The following CHD7 variants were observed in gnomAD, a reference collection of about 807,000 sequenced individuals.
CHD7 encodes chromodomain helicase DNA binding protein 7.
In CHD7, 24 loss-of-function variants were observed where a neutral mutation model predicts 307.3. The observed-to-expected ratio is 0.08, with a 90% CI of 0.06 to 0.11. The LOEUF is 0.11. CHD7 is among the 10% of genes least tolerant of loss of function. The pLI is 1.00. For missense variants in CHD7, 3,106 were observed against 3,727.1 expected (o/e 0.83, Z 4.34); for synonymous variants, 1,363 against 1,349.9 (o/e 1.01, Z -0.21).
intron 1 of CHD7, among the ~76,000 whole-genome samples, chr8:60,714,546 G>GCTCAGCC (rs1404918563): frequency 1.3e-5 from 2 of 152,122 alleles, no homozygotes; most frequent in Non-Finnish European, 2.9e-5. Context: ...CTGGCACCTG[G>GCTCAGCC]CTCAGCCCTC....
Position 60,854,539 on chromosome 8 carries a change from TTGC to T in CHD7, c.6936+19_6936+21del. The T allele has an allele frequency of 6.4e-7, 1 of 1,573,146 alleles. No homozygotes were observed. Among genetic ancestry groups the T allele is most frequent in the Non-Finnish European group, 8.7e-7 (1 of 1,154,628 alleles). Reference sequence around the variant, plus strand: ...TTGGCCTAAGGTTGGCAGGTTTTTGTTGCTGTTGTTTTGCTGACCAAAAAGGAT... The same window carrying T: ...TTGGCCTAAGGTTGGCAGGTTTTTGTTGTTGTTTTGCTGACCAAAAAGGAT... On this transcript the variant is annotated intron_variant, in intron 32 of 37. Coordinates refer to ENST00000423902, the MANE Select transcript of CHD7 (RefSeq NM_017780.4).
At chr8:60,767,951 T>A (rs1451976668) in intron 2 of CHD7, among the ~76,000 whole-genome samples, 11 of 152,222 alleles carry the variant, frequency 7.2e-5, no homozygotes, top group African/African-American at 2.7e-4. Flanking sequence ...TAGTTAGGTA[T>A]CTGAAATGAG....
intron 1 of CHD7, among the ~76,000 whole-genome samples, chr8:60,711,110 G>A (rs188642254): frequency 1.4e-4 from 21 of 152,292 alleles, no homozygotes; most frequent in African/African-American, 3.6e-4. Flanking sequence ...TCTGCTCCAT[G>A]TACAAGTACC....
intron 3 of CHD7, among the ~76,000 whole-genome samples, chr8:60,781,899 G>A (rs1030343939): frequency 3.9e-5 from 6 of 152,168 alleles, no homozygotes; most frequent in African/African-American, 1.4e-4. Context: ...TCCAGGAGCA[G>A]GGTTGAAATC....
intron 15 of CHD7, among the ~76,000 whole-genome samples, chr8:60,832,692 A>G (rs561579129): frequency 8.9e-4 from 136 of 152,308 alleles, no homozygotes; most frequent in African/African-American, 3.2e-3. Flanking sequence ...AGTTAGATTG[A>G]CACCCCCAGT....
intron 1 of CHD7, among the ~76,000 whole-genome samples, chr8:60,693,423 C>G (rs1806301462): frequency 6.6e-6 from 1 of 152,240 alleles, no homozygotes; most frequent in African/African-American, 2.4e-5. Context: ...AGAGGGTCCC[C>G]CCTCCAGCTC....
rs1266880018 is a variant in CHD7 at position 60,804,565 on chromosome 8, T to C, written c.2442+2972T>C. Among the ~76,000 whole-genome samples, 5 of 152,224 alleles carry C rather than the reference T, an allele frequency of 3.3e-5. No individual in the cohort carries two copies. In the East Asian group the frequency reaches 7.7e-4, roughly 23 times the overall value. On this transcript the variant is annotated intron_variant, in intron 6 of 37. Coordinates refer to ENST00000423902, the MANE Select transcript of CHD7 (RefSeq NM_017780.4). ...TAAGTGAACTGTGATTTGGTGTCTC[T>C]AGTAAAGTATACAGTAGATAGGGCC... is the stretch of plus-strand genomic sequence containing the variant.
chr8:60,710,702 A>C (rs1442803720), intron 1 of CHD7, among the ~76,000 whole-genome samples: 1 of 152,236 alleles, frequency 6.6e-6, no homozygotes, highest in Non-Finnish European at 1.5e-5. Flanking sequence ...AAGAGAATAC[A>C]ATGTGTACCT....
chr8:60,848,912 C>CT, intron 24 of CHD7, 139 bp from the exon 25 acceptor site: 1 of 730,324 alleles, frequency 1.4e-6, no homozygotes, highest in Admixed American at 2.1e-5. Flanking sequence ...GACTCATGCC[C>CT]TTTCTTTTAA....
intron 21 of CHD7, among the ~76,000 whole-genome samples, chr8:60,842,707 A>G (rs1277134082): frequency 6.6e-6 from 1 of 152,162 alleles, no homozygotes; most frequent in Non-Finnish European, 1.5e-5. Flanking sequence ...AAAAAACTGC[A>G]GCTAGAGTAA....
intron 3 of CHD7, among the ~76,000 whole-genome samples, chr8:60,783,179 A>G (rs1361242357): frequency 6.6e-6 from 1 of 152,218 alleles, no homozygotes; most frequent in East Asian, 1.9e-4. Context: ...ATTTCCAAGT[A>G]TGTCTTTTTA....
At chr8:60,754,730 A>G (rs962650184) in intron 2 of CHD7, among the ~76,000 whole-genome samples, 3 of 152,220 alleles carry the variant, frequency 2.0e-5, no homozygotes, top group Admixed American at 6.5e-5. Flanking sequence ...TCTAACTTCA[A>G]CCAAGGTGAA....
chr8:60,811,116 C>T (rs548092962), intron 7 of CHD7, among the ~76,000 whole-genome samples: 15 of 152,286 alleles, frequency 9.8e-5, no homozygotes, highest in Admixed American at 2.0e-4. Context: ...TTGTCTTCCA[C>T]GAAACTGGTC....
At chr8:60,766,142 C>T (rs950590668) in intron 2 of CHD7, among the ~76,000 whole-genome samples, 1 of 152,220 alleles carries the variant, frequency 6.6e-6, no homozygotes, top group Non-Finnish European at 1.5e-5. Flanking sequence ...CTGTTGCTGT[C>T]ATTGCCCTCC....
chr8:60,852,517 G>T lies in CHD7; in HGVS notation c.5914G>T (p.Ala1972Ser), dbSNP rs1210754705. The T allele has an allele frequency of 6.2e-7, 1 of 1,613,778 alleles. No individual in the cohort carries two copies. Among genetic ancestry groups the T allele is most frequent in the South Asian group, 1.1e-5 (1 of 91,058 alleles). ...KRQKWTRREE[A>S]DFYRVVSTFG... ...TAACAGGTGGACAAGAAGAGAAGAG[G>T]CTGATTTTTACCGTGTGGTATCCAC... The change falls in exon 30 of 38, where the codon GCT becomes TCT. Residue 1972 changes from alanine to serine, a missense_variant. Physicochemically the swap from Ala to Ser is moderately conservative, Grantham distance 99. Around this residue, in one of 10 missense-constraint regions of CHD7, gnomAD observed 1,030 missense variants for 1,165.4 expected, o/e 0.88. Coordinates refer to ENST00000423902, the MANE Select transcript of CHD7 (RefSeq NM_017780.4).
chr8:60,704,194 T>G (rs1458110203), intron 1 of CHD7, among the ~76,000 whole-genome samples: 1 of 152,178 alleles, frequency 6.6e-6, no homozygotes, highest in Non-Finnish European at 1.5e-5. Flanking sequence ...AATTTATCGT[T>G]TTGTGTTTAT....
chr8:60,759,448 CCTCT>C lies in CHD7; in HGVS notation c.1665+16359_1665+16362del, dbSNP rs370795206. ...CTCCCTCTCTCCCGCTCTCTGTCTC[CCTCT>C]CTCTCTCCCTCCCTCTCTCCCTCTC... On this transcript the variant is annotated intron_variant, in intron 2 of 37. Transcript: ENST00000423902. Among the ~76,000 whole-genome samples, 684 of 143,142 alleles carry C rather than the reference CCTCT, an allele frequency of 4.8e-3. 2 individuals carry two copies. Among genetic ancestry groups the C allele is most frequent in the African/African-American group, 0.017 (642 of 38,498 alleles). 93.9% of individuals were successfully genotyped at this position (143,142 alleles called of 152,430 possible). A position where few individuals can be genotyped will look rare whatever the true frequency, so the allele number is the denominator to read the frequency against.
Position 60,822,056 on chromosome 8 carries a change from G to C in CHD7, c.2868G>C (p.Ser956=). Residue 956 remains serine (S), a synonymous_variant, in exon 11 of 38, where the codon TCG becomes TCC. Coordinates refer to ENST00000423902, the MANE Select transcript of CHD7 (RefSeq NM_017780.4). The part of the protein sequence containing the change: ...ERPPADDWKK[S]ESSREYKNNN... ...CTCCTGCTGATGATTGGAAGAAATC[G>C]GAGAGTTCCAGGGAGTATAAAAACA... 6.2e-7 allele frequency: 1 copy of C among 1,613,778 alleles called. No homozygotes were observed. Among genetic ancestry groups the C allele is most frequent in the South Asian group, 1.1e-5 (1 of 91,070 alleles).
intron 2 of CHD7, among the ~76,000 whole-genome samples, chr8:60,747,691 T>C (rs1809401535): frequency 6.6e-6 from 1 of 152,200 alleles, no homozygotes; most frequent in African/African-American, 2.4e-5. Context: ...TCACAGACCC[T>C]ACAGAAACCC....
Sources: gnomAD v4.1 joint callset for allele counts (sites outside exome capture counted in the v4.1 genomes callset) on GRCh38, gnomAD v4.1.1 for gene constraint, gnomAD v4.1.1 regional missense constraint, MANE v1.5 for transcripts, NCBI Gene and HGNC (gene_info 2026-07-23, HGNC 2026-07-21) for gene names.